The following C3orf20 variants were observed in gnomAD, a reference collection of about 807,000 sequenced individuals.
C3orf20 encodes the protein uncharacterized protein C3orf20.
Under a neutral mutation model 88.3 loss-of-function variants are expected in C3orf20, and 76 were observed. That is an observed-to-expected ratio of 0.86 (90% CI 0.72 to 1.04). The LOEUF is 1.04. Among genes scored for constraint, C3orf20 ranks in the 50% least tolerant of loss-of-function variants. The pLI, the probability that C3orf20 is intolerant of heterozygous loss-of-function variation, is 0.00. For missense variants in C3orf20, 1,056 were observed against 1,123.3 expected (o/e 0.94, Z 0.86); for synonymous variants, 436 against 437.4 (o/e 1.00, Z 0.04).
intron 4 of C3orf20, among the ~76,000 whole-genome samples, chr3:14,689,278 T>A (rs1444447835): frequency 4.6e-5 from 7 of 152,216 alleles, no homozygotes; most frequent in Admixed American, 1.3e-4. Context: ...ATTACTTTTG[T>A]GTTTTATCAT....
At chr3:14,761,702 A>T in intron 15 of C3orf20, 87 bp downstream of exon 15, 185 of 768,120 alleles carry the variant, frequency 2.4e-4, no homozygotes, top group East Asian at 4.8e-4. Flanking sequence ...AGGGGAACTG[A>T]GGGGAGCAGG....
chr3:14,736,737 T>G (rs1261756905), intron 12 of C3orf20, among the ~76,000 whole-genome samples: 5 of 151,924 alleles, frequency 3.3e-5, no homozygotes, highest in Admixed American at 2.6e-4. Flanking sequence ...CAGCTAATTT[T>G]CATATTTTTA....
rs530563291 is a variant in C3orf20, at chr3:14,743,168, A to C, written c.1941-14203A>C. On this transcript the variant is annotated intron_variant, in intron 12 of 16. Transcript: ENST00000253697. ...AAGTCCCTTCCGCCTGTGAGCCTTT[A>C]AAATTGAAAGCAAGCTAGCTACTTC... is the stretch of plus-strand genomic sequence containing the variant. Among the ~76,000 whole-genome samples, 449 of 152,162 alleles carry C rather than the reference A, an allele frequency of 3.0e-3. 9 individuals carry two copies. Among genetic ancestry groups the C allele is most frequent in the African/African-American group, 9.9e-3 (408 of 41,400 alleles).
chr3:14,713,909 A>C, intron 7 of C3orf20, 98 bp from the exon 8 acceptor site: 3 of 1,350,338 alleles, frequency 2.2e-6, no homozygotes, highest in Non-Finnish European at 3.1e-6. Flanking sequence ...TGATGCACCA[A>C]ATAGCTAACA....
At chr3:14,754,937 C>G (rs1421667943) in intron 12 of C3orf20, among the ~76,000 whole-genome samples, 1 of 152,030 alleles carries the variant, frequency 6.6e-6, no homozygotes, top group Non-Finnish European at 1.5e-5. Flanking sequence ...GTTGTCCAGC[C>G]TTGTCTGGAA....
In C3orf20 at chr3:14,726,681, C is replaced by T. The variant is rs146392021; in HGVS notation, c.1567-220C>T. ...AAAGCAAGAAGCAGTTCTGCCCAGT[C>T]GAATCAAGGAAAACCCTCCGAGGAG... On this transcript the variant is annotated intron_variant, in intron 10 of 16. Coordinates refer to ENST00000253697, the MANE Select transcript of C3orf20 (RefSeq NM_032137.5). Among the ~76,000 whole-genome samples, 347 of 152,218 alleles carry T rather than the reference C, an allele frequency of 2.3e-3. No individual in the cohort carries two copies. The Middle Eastern group carries it at 0.031, about 13-fold the overall frequency.
chr3:14,726,840 A>G (rs984913913), intron 10 of C3orf20, 61 bp from the exon 11 acceptor site: 3 of 1,609,826 alleles, frequency 1.9e-6, no homozygotes, highest in Non-Finnish European at 2.5e-6. Context: ...GTTATCCTGG[A>G]CTAGGCAGCT....
rs1293138276 is a variant in C3orf20 at position 14,757,357 on chromosome 3, GCTC to G, written c.1941-8_1941-6del. Reference sequence around the variant, plus strand: ...CCTTCTGAGGGTCCCTGTGCACTGTGCTCCTCCTTGCAGAGGGAAGGCCCGCGA... The same window carrying G: ...CCTTCTGAGGGTCCCTGTGCACTGTGCTCCTTGCAGAGGGAAGGCCCGCGA... On this transcript the variant is annotated splice_polypyrimidine_tract_variant and intron_variant, in intron 12 of 16. Transcript: ENST00000253697. 6.2e-7 allele frequency: 1 copy of G among 1,606,914 alleles called. No homozygotes were observed. The highest frequency in any genetic ancestry group is 1.3e-5 in the African/African-American group (1 of 74,846).
At chr3:14,735,260 T>C (rs1479791115) in intron 12 of C3orf20, among the ~76,000 whole-genome samples, 1 of 151,882 alleles carries the variant, frequency 6.6e-6, no homozygotes, top group Non-Finnish European at 1.5e-5. Context: ...CCTTACTGTT[T>C]GTTTGCTGTT....
intron 12 of C3orf20, among the ~76,000 whole-genome samples, chr3:14,734,312 T>A (rs1478324018): frequency 6.6e-6 from 1 of 152,122 alleles, no homozygotes; most frequent in East Asian, 1.9e-4. Flanking sequence ...CTTTTTCTTT[T>A]TCTTTTTTGA....
Position 14,682,274 on chromosome 3 carries a change from G to C in C3orf20, c.-194G>C, listed in dbSNP as rs1297770407. The C allele has an allele frequency of 6.2e-6, 1 of 160,592 alleles. No homozygotes were observed. Among genetic ancestry groups the C allele is most frequent in the Non-Finnish European group, 1.4e-5 (1 of 73,068 alleles). The allele number at this position is 160,592 out of a possible 1,614,324, so 9.9% of individuals were successfully genotyped here. A position where few individuals can be genotyped will look rare whatever the true frequency, so the allele number is the denominator to read the frequency against. On this transcript the variant is annotated 5_prime_UTR_variant, in exon 2 of 17. Transcript: ENST00000253697. ...AGTGAAACATCTTTTTATTCTTGCA[G>C]GTTCTTAATGATTGACCACAAGCAG...
intron 11 of C3orf20, 45 bp downstream of exon 11, chr3:14,727,069 C>T: frequency 6.2e-7 from 1 of 1,610,386 alleles, no homozygotes; most frequent in Middle Eastern, 1.7e-4. Context: ...GTTGGCTTCC[C>T]CAGTCCTGAG....
intron 5 of C3orf20, among the ~76,000 whole-genome samples, chr3:14,690,445 G>A (rs540639391): frequency 7.2e-5 from 11 of 152,166 alleles, no homozygotes; most frequent in Non-Finnish European, 1.3e-4. Context: ...CCAAACTCAC[G>A]CCTCTGCTCA....
intron 7 of C3orf20, among the ~76,000 whole-genome samples, chr3:14,707,710 T>TTTTAAAAATTTTAAAAATTAAAA (rs2033573547): frequency 1.3e-5 from 2 of 152,130 alleles, no homozygotes; most frequent in East Asian, 3.8e-4. Context: ...TTTTAAATTT[T>TTTTAAAAATTTTAAAAATTAAAA]GATGAAGTCC....
intron 12 of C3orf20, among the ~76,000 whole-genome samples, chr3:14,730,799 C>T (rs1189253914): frequency 2.6e-5 from 4 of 152,202 alleles, no homozygotes; most frequent in Admixed American, 2.6e-4. Flanking sequence ...TCCACATCTT[C>T]ACCAATGCTT....
chr3:14,724,614 A>G (rs1213702617), intron 10 of C3orf20, among the ~76,000 whole-genome samples: 5 of 152,252 alleles, frequency 3.3e-5, no homozygotes, highest in Non-Finnish European at 7.3e-5. Context: ...CTGCATTTCA[A>G]AGACTTAGTG....
At chr3:14,744,097 C>G (rs2034992004) in intron 12 of C3orf20, among the ~76,000 whole-genome samples, 1 of 152,056 alleles carries the variant, frequency 6.6e-6, no homozygotes, top group Admixed American at 6.5e-5. Flanking sequence ...ATCACATAGT[C>G]AGGCTGAAAA....
rs542668099 is a variant in C3orf20, at chr3:14,675,238, A to G, written c.-313A>G. On this transcript the variant is annotated 5_prime_UTR_variant, in exon 1 of 17. Transcript: ENST00000253697. ...TATTCGGCAAGCAGTTCCTATAAAA[A>G]ACTACATGGCTAAGGTGAGTGATGA... 8 of 152,338 alleles carry G rather than the reference A, an allele frequency of 5.3e-5. No homozygotes were observed. In the South Asian group the frequency reaches 1.7e-3, roughly 32 times the overall value. 9.4% of individuals were successfully genotyped at this position (152,338 alleles called of 1,614,324 possible).
chr3:14,714,020 A>G lies in C3orf20; in HGVS notation c.1174A>G (p.Asn392Asp). ...GSSFVYYPSG[N>D]VAVCQIPTCC... Reference sequence around the variant, plus strand: ...CATTTCTGCCAGCTATCCCTCTGGAAACGTCGCTGTATGTCAGATCCCCAC... The same window carrying G: ...CATTTCTGCCAGCTATCCCTCTGGAGACGTCGCTGTATGTCAGATCCCCAC... Residue 392 changes from asparagine to aspartate, a missense_variant, in exon 8 of 17, where the codon AAC (asparagine) becomes GAC (aspartate). Transcript: ENST00000253697. 1 of 1,614,104 alleles carries G rather than the reference A, an allele frequency of 6.2e-7. No homozygotes were observed. Among genetic ancestry groups the G allele is most frequent in the Non-Finnish European group, 8.5e-7 (1 of 1,180,018 alleles).
Sources: gnomAD v4.1 joint callset for allele counts (sites outside exome capture counted in the v4.1 genomes callset) on GRCh38, gnomAD v4.1.1 for gene constraint, MANE v1.5 for transcripts, NCBI Gene and HGNC (gene_info 2026-07-23, HGNC 2026-07-21) for gene names.